The following SCO2 variants were observed in gnomAD, a reference collection of about 807,000 sequenced individuals.
The protein encoded by SCO2 is synthesis of cytochrome C oxidase 2.
For synonymous variants in SCO2, 195 were observed against 148.6 expected (o/e 1.31, Z -2.27); for missense variants, 429 against 348.7 (o/e 1.23, Z -1.83).
At position 50,524,217 on chromosome 22, in the gene SCO2, G is replaced by T; in HGVS notation, c.195C>A (p.Gly65=). The stretch of plus-strand genomic sequence containing the variant: ...CCCCACCGAGTCCAGCCCCGAACAG[G>T]CCTGTGATCAGCAGCCGGGTTCGAA... The part of the protein sequence containing the change: ...PGLRTRLLIT[G]LFGAGLGGAW... Residue 65 remains glycine (G), a synonymous_variant, in exon 2 of 2, where the codon GGC becomes GGA. Coordinates refer to ENST00000395693, the MANE Select transcript of SCO2 (RefSeq NM_005138.3). 1 of 1,608,186 alleles carries T rather than the reference G, an allele frequency of 6.2e-7. No individual in the cohort carries two copies.
rs1315360150 is a variant in SCO2 at position 50,523,856 on chromosome 22, G to A, written c.556C>T (p.Pro186Ser). 4 of 1,614,022 alleles carry A rather than the reference G, an allele frequency of 2.5e-6. No individual in the cohort carries two copies. In the South Asian group the frequency reaches 4.4e-5, roughly 18 times the overall value. ...AMARYVQDFHPRLLGLTGSTK... is the reference protein window; with the variant it reads ...AMARYVQDFHSRLLGLTGSTK... ...GAGCCGGTCAGACCCAACAGTCTTGGGTGGAAGTCCTGGACGTAGCGGGCC... is the reference window on the plus strand; with the variant it reads ...GAGCCGGTCAGACCCAACAGTCTTGAGTGGAAGTCCTGGACGTAGCGGGCC... Residue 186 changes from proline (P) to serine (S), a missense_variant, in exon 2 of 2, where the codon CCA (proline) becomes TCA (serine). Physicochemically the swap from Pro to Ser is moderately conservative, Grantham distance 74 (BLOSUM62 -1). Transcript: ENST00000395693.
In SCO2 at chr22:50,524,012, G is replaced by C. The variant is rs756356011; in HGVS notation, c.400C>G (p.Pro134Ala). 2 of 1,613,300 alleles carry C rather than the reference G, an allele frequency of 1.2e-6. No homozygotes were observed. Among genetic ancestry groups the C allele is most frequent in the Non-Finnish European group, 1.7e-6 (2 of 1,180,028 alleles). ...TCCAGCTCGTCTGGGCAGATGTCAG[G>C]GCAGTGAGTGAAGCCAAAGTACATC... ...VLMYFGFTHC[P>A]DICPDELEKL... The change falls in exon 2 of 2, where the codon CCT (proline) becomes GCT (alanine). Residue 134 changes from proline (P) to alanine (A), a missense_variant. Coordinates refer to ENST00000395693, the MANE Select transcript of SCO2 (RefSeq NM_005138.3).
chr22:50,525,604 A>G, upstream of SCO2: 1 of 1,048,878 alleles, frequency 9.5e-7, no homozygotes, highest in Admixed American at 2.1e-5. Flanking sequence ...GCGTCCCCGG[A>G]GCTGCGCATG....
In SCO2 at chr22:50,523,871, C is replaced by T. The variant is rs147624681; in HGVS notation, c.541G>A (p.Val181Ile). 290 of 1,613,956 alleles carry T rather than the reference C, an allele frequency of 1.8e-4. No individual in the cohort carries two copies. The highest frequency in any genetic ancestry group is 2.3e-4 in the Non-Finnish European group (274 of 1,180,014). The change falls in exon 2 of 2, where the codon GTC (valine) becomes ATC (isoleucine). Residue 181 changes from valine to isoleucine, a missense_variant. By Grantham distance (29) the Val-to-Ile change is conservative (BLOSUM62 3). Transcript: ENST00000395693. ...AACAGTCTTGGGTGGAAGTCCTGGA[C>T]GTAGCGGGCCATGGCTTCAACGTCG... Reference protein sequence around the residue: ...RDDVEAMARYVQDFHPRLLGL... With the variant: ...RDDVEAMARYIQDFHPRLLGL...
At chr22:50,525,600 C>G (rs145052206), upstream of SCO2, 13,248 of 1,036,838 alleles carry the variant, frequency 0.013, 112 homozygotes, top group Middle Eastern at 0.016. Flanking sequence ...GCAGGCGTCC[C>G]CGGAGCTGCG....
At chr22:50,525,606 C>G (rs1327020632), upstream of SCO2, 7 of 1,079,392 alleles carry the variant, frequency 6.5e-6, no homozygotes, top group Admixed American at 1.4e-4. Context: ...GTCCCCGGAG[C>G]TGCGCATGCG....
chr22:50,524,854 C>T (rs947017004), intron 1 of SCO2: 2 of 360,280 alleles, frequency 5.6e-6, no homozygotes, highest in Non-Finnish European at 1.1e-5. Context: ...CCTCCAGCCA[C>T]TTCAACCAAC....
rs962372149 is a variant in SCO2, at chr22:50,523,816, G to A, written c.596C>T (p.Ala199Val). Residue 199 changes from alanine (A) to valine (V), a missense_variant, in exon 2 of 2, where the codon GCC becomes GTC. By Grantham distance (64) the Ala-to-Val change is moderately conservative (BLOSUM62 0). Transcript: ENST00000395693. ...LGLTGSTKQV[A>V]QASHSYRVYY... Reference sequence around the variant, plus strand: ...CACGCGGTAACTGTGACTAGCCTGGGCAACCTGTTTGGTGGAGCCGGTCAG... The same window carrying A: ...CACGCGGTAACTGTGACTAGCCTGGACAACCTGTTTGGTGGAGCCGGTCAG... 3.1e-6 allele frequency: 5 copies of A among 1,614,122 alleles called. No homozygotes were observed. Among genetic ancestry groups the A allele is most frequent in the Non-Finnish European group, 4.2e-6 (5 of 1,180,020 alleles).
upstream of SCO2, chr22:50,525,603 G>T (rs984726109): frequency 2.5e-5 from 26 of 1,047,722 alleles, no homozygotes; most frequent in Middle Eastern, 2.9e-4. Context: ...GGCGTCCCCG[G>T]AGCTGCGCAT....
Position 50,523,959 on chromosome 22 carries a change from C to T in SCO2, c.453G>A (p.Leu151=), listed in dbSNP as rs1433924881. The change falls in exon 2 of 2, where the codon CTG becomes CTA. Residue 151 remains leucine, a synonymous_variant. Transcript: ENST00000395693. ...LEKLVQVVRQ[L]EAEPGLPPVQ... is the part of the protein sequence containing the mutation. Reference sequence around the variant, plus strand: ...CTGGAGGCAAACCAGGCTCTGCTTCCAGCTGCCGCACCACCTGCACCAGCT... The same window carrying T: ...CTGGAGGCAAACCAGGCTCTGCTTCTAGCTGCCGCACCACCTGCACCAGCT... 4 of 1,612,356 alleles carry T rather than the reference C, an allele frequency of 2.5e-6. No individual in the cohort carries two copies. In the African/African-American group the frequency reaches 4.0e-5, roughly 16 times the overall value.
upstream of SCO2, chr22:50,526,339 G>T (rs2069374700): frequency 2.6e-6 from 4 of 1,560,298 alleles, no homozygotes; most frequent in Non-Finnish European, 8.6e-7. Context: ...GCTCGGGCCA[G>T]ACCGGGATCC....
chr22:50,525,803 GGGCGAGGGGGCGGCGAAT>G, upstream of SCO2: 6 of 1,610,752 alleles, frequency 3.7e-6, no homozygotes, highest in Non-Finnish European at 5.1e-6. Context: ...GCTCTGCGAA[GGGCGAGGGGGCGGCGAAT>G]GGCGCGCGGT....
At position 50,523,889 on chromosome 22, in the gene SCO2, C is replaced by T; in HGVS notation, c.523G>A (p.Glu175Lys). 1.9e-6 allele frequency: 3 copies of T among 1,613,900 alleles called. No individual in the cohort carries two copies. The highest frequency in any genetic ancestry group is 2.5e-6 in the Non-Finnish European group (3 of 1,180,014). ...TCCTGGACGTAGCGGGCCATGGCTT[C>T]AACGTCGTCCCGCTCGGGGTCCACA... is the stretch of plus-strand genomic sequence containing the variant. ...ITVDPERDDV[E>K]AMARYVQDFH... is the part of the protein sequence containing the mutation. The change falls in exon 2 of 2, where the codon GAA becomes AAA. Residue 175 changes from glutamate to lysine, a missense_variant. Glu to Lys is a moderately conservative substitution (Grantham distance 56). Transcript: ENST00000395693.
chr22:50,523,726 T>C lies in SCO2; in HGVS notation c.686A>G (p.Tyr229Cys). ...DYIVDHSIAI[Y>C]LLNPDGLFTD... ...GAAGAGGCCGTCAGGGTTGAGCAGG[T>C]AGATGGCAATGGAGTGGTCCACGAT... The change falls in exon 2 of 2, where the codon TAC (tyrosine) becomes TGC (cysteine). Residue 229 changes from tyrosine to cysteine, a missense_variant. Coordinates refer to ENST00000395693, the MANE Select transcript of SCO2 (RefSeq NM_005138.3). 1 of 1,614,120 alleles carries C rather than the reference T, an allele frequency of 6.2e-7. No homozygotes were observed. Among genetic ancestry groups the C allele is most frequent in the South Asian group, 1.1e-5 (1 of 91,078 alleles).
chr22:50,524,985 C>CA (rs1029511756), intron 1 of SCO2, among the ~76,000 whole-genome samples: 2 of 152,202 alleles, frequency 1.3e-5, no homozygotes, highest in African/African-American at 4.8e-5. Context: ...CCACCCGCCA[C>CA]AAAACCCCAC....
upstream of SCO2, chr22:50,525,662 G>A (rs2069319175): frequency 6.6e-7 from 1 of 1,506,372 alleles, no homozygotes; most frequent in Non-Finnish European, 9.0e-7. Context: ...TGCGCGGAAG[G>A]CGGAGCCCGC....
rs779613970 is a variant in SCO2, at chr22:50,523,803, G to A, written c.609C>T (p.His203=). ...GSTKQVAQAS[H]SYRVYYNAGP... ...CTGCATTGTAGTACACGCGGTAACT[G>A]TGACTAGCCTGGGCAACCTGTTTGG... The change falls in exon 2 of 2, where the codon CAC becomes CAT. Residue 203 remains histidine, a synonymous_variant. Coordinates refer to ENST00000395693, the MANE Select transcript of SCO2 (RefSeq NM_005138.3). The A allele has an allele frequency of 1.9e-6, 3 of 1,614,006 alleles. No homozygotes were observed. In the African/African-American group the frequency reaches 4.0e-5, roughly 22 times the overall value.
intron 1 of SCO2, chr22:50,524,662 C>G: frequency 1.4e-6 from 1 of 690,046 alleles, no homozygotes. Flanking sequence ...TCACCGCACC[C>G]TGCCCTGCAC....
chr22:50,526,232 C>A (rs778577134), upstream of SCO2: 39 of 1,527,152 alleles, frequency 2.6e-5, no homozygotes, highest in African/African-American at 1.3e-4. Flanking sequence ...GACGGGGACT[C>A]CCCCGACGCT....
Sources: allele counts gnomAD v4.1 joint callset (sites outside exome capture counted in the v4.1 genomes callset), GRCh38; gene constraint gnomAD v4.1.1; transcripts MANE v1.5; gene names NCBI Gene and HGNC (gene_info 2026-07-23, HGNC 2026-07-21).